The following STXBP5 variants were observed in gnomAD, a reference collection of about 807,000 sequenced individuals.
STXBP5 encodes syntaxin-binding protein 5.
A neutral mutation model predicts 152.4 loss-of-function variants in STXBP5; 50 were observed. The observed-to-expected ratio is 0.33, with a 90% CI of 0.26 to 0.42. STXBP5 has a LOEUF of 0.42. Ranked by LOEUF, STXBP5 falls within the 10% of genes least tolerant of loss-of-function variation. The probability of loss-of-function intolerance (pLI) is 1.00; values close to 1 mark genes in which losing one functional copy is unlikely to be tolerated. For synonymous variants in STXBP5, 492 were observed against 494.7 expected, an observed-to-expected ratio of 0.99 and a Z score of 0.07; for missense variants, 1,167 against 1,388.6, an observed-to-expected ratio of 0.84 and a Z score of 2.54.
intron 2 of STXBP5, among the ~76,000 whole-genome samples, chr6:147,224,466 A>G (rs1320182663): frequency 1.3e-5 from 2 of 152,314 alleles, no homozygotes; most frequent in South Asian, 4.1e-4. Flanking sequence ...AAACTAAACT[A>G]AATTAAAATA....
At chr6:147,373,902 A>G (rs1785684666) in intron 26 of STXBP5, 60 bp downstream of exon 26, 1 of 1,306,312 alleles carries the variant, frequency 7.7e-7, no homozygotes, top group Non-Finnish European at 1.1e-6. Context: ...GCCATACAAA[A>G]ATTTTTTTAT....
chr6:147,320,764 A>G (rs912534001), intron 16 of STXBP5, among the ~76,000 whole-genome samples: 1 of 152,200 alleles, frequency 6.6e-6, no homozygotes, highest in African/African-American at 2.4e-5. Context: ...AAAACTAGAA[A>G]TATAAACAAA....
At chr6:147,364,645 T>C (rs1234391893) in intron 25 of STXBP5, among the ~76,000 whole-genome samples, 1 of 152,232 alleles carries the variant, frequency 6.6e-6, no homozygotes, top group Non-Finnish European at 1.5e-5. Context: ...TGAGAGACTA[T>C]ATACAAATTC....
intron 2 of STXBP5, among the ~76,000 whole-genome samples, chr6:147,233,700 G>A (rs1205800477): frequency 1.3e-5 from 2 of 151,444 alleles, no homozygotes; most frequent in Admixed American, 6.6e-5. Context: ...AAAATAAATG[G>A]GTGAACGGAG....
intron 8 of STXBP5, among the ~76,000 whole-genome samples, chr6:147,284,758 G>T (rs1490022286): frequency 6.6e-6 from 1 of 152,196 alleles, no homozygotes; most frequent in Non-Finnish European, 1.5e-5. Context: ...AGTTTAAAAC[G>T]CCTTTGGGCA....
intron 21 of STXBP5, among the ~76,000 whole-genome samples, chr6:147,347,880 G>T (rs1306074150): frequency 6.6e-6 from 1 of 152,110 alleles, no homozygotes; most frequent in African/African-American, 2.4e-5. Flanking sequence ...TTTATTAGTG[G>T]CTATCTCTAT....
At position 147,380,173 on chromosome 6, in the gene STXBP5, TACAC is replaced by T. The variant is rs58343558; in HGVS notation, c.3194-2571_3194-2568del. 2.8e-3 allele frequency among the ~76,000 whole-genome samples: 395 copies of T among 143,120 alleles called. 1 individual carries two copies. The highest frequency in any genetic ancestry group is 3.5e-3 in the Middle Eastern group (1 of 282). 93.9% of individuals were successfully genotyped at this position (143,120 alleles called of 152,430 possible). The stretch of plus-strand genomic sequence containing the variant: ...ATACAAAGAATTCAAAATAGCCACG[TACAC>T]ACACACACACACACACACACACACA... On this transcript the variant is annotated intron_variant, in intron 26 of 27. Coordinates refer to ENST00000321680, the MANE Select transcript of STXBP5 (RefSeq NM_001127715.4).
rs373845542 is a variant in STXBP5 at position 147,303,520 on chromosome 6, A to G, written c.918-6564A>G. Reference sequence around the variant, plus strand: ...ATTAGCAGCAGGAGAACTAACTAATACAGTAAATTGGCACCAGGAGTGGGG... The same window carrying G: ...ATTAGCAGCAGGAGAACTAACTAATGCAGTAAATTGGCACCAGGAGTGGGG... On this transcript the variant is annotated intron_variant, in intron 9 of 27. Coordinates refer to ENST00000321680, the MANE Select transcript of STXBP5 (RefSeq NM_001127715.4). Among the ~76,000 whole-genome samples, 12 of 152,322 alleles carry G rather than the reference A, an allele frequency of 7.9e-5. No homozygotes were observed. The East Asian group carries it at 2.1e-3, about 27-fold the overall frequency.
Position 147,310,270 on chromosome 6 carries a change from A to G in STXBP5, c.1072+32A>G, listed in dbSNP as rs764738306. 3.5e-6 allele frequency: 5 copies of G among 1,417,294 alleles called. No homozygotes were observed. The South Asian group carries it at 6.8e-5, about 19-fold the overall frequency. The allele number at this position is 1,417,294 out of a possible 1,614,324, so 87.8% of individuals were successfully genotyped here. ...TTTGCAACTTTAAAGCTCATTCTCT[A>G]TAGAGAGCTGATATTAAAAAAAAAA... On this transcript the variant is annotated intron_variant, in intron 10 of 27. Coordinates refer to ENST00000321680, the MANE Select transcript of STXBP5 (RefSeq NM_001127715.4).
intron 2 of STXBP5, among the ~76,000 whole-genome samples, chr6:147,222,495 C>G (rs1348862815): frequency 6.6e-6 from 1 of 152,090 alleles, no homozygotes; most frequent in African/African-American, 2.4e-5. Flanking sequence ...CACACTTCCT[C>G]CCACTCCCTT....
intron 21 of STXBP5, among the ~76,000 whole-genome samples, chr6:147,344,603 TG>T (rs1784237170): frequency 6.6e-6 from 1 of 152,200 alleles, no homozygotes. Flanking sequence ...TGGGTTTCTG[TG>T]CAGAGTACAA....
At chr6:147,246,156 G>A (rs1429081089) in intron 4 of STXBP5, among the ~76,000 whole-genome samples, 1 of 152,128 alleles carries the variant, frequency 6.6e-6, no homozygotes, top group Non-Finnish European at 1.5e-5. Context: ...CAGATAAGTT[G>A]CAGTATCAGA....
intron 14 of STXBP5, among the ~76,000 whole-genome samples, 175 bp from the exon 15 acceptor site, chr6:147,315,340 A>G (rs1308630221): frequency 6.6e-6 from 1 of 152,182 alleles, no homozygotes; most frequent in Non-Finnish European, 1.5e-5. Flanking sequence ...TGTTTGGTCA[A>G]TGAGAACAAA....
At chr6:147,267,556 C>A (rs1344503710) in intron 7 of STXBP5, among the ~76,000 whole-genome samples, 1 of 152,120 alleles carries the variant, frequency 6.6e-6, no homozygotes, top group East Asian at 1.9e-4. Flanking sequence ...TCTTTTCTCT[C>A]CTTTTGCTCC....
intron 21 of STXBP5, among the ~76,000 whole-genome samples, chr6:147,352,389 A>G (rs376352113): frequency 6.6e-6 from 1 of 152,340 alleles, no homozygotes; most frequent in African/African-American, 2.4e-5. Context: ...TAATCCCAGC[A>G]CTTCGGGAGG....
chr6:147,379,842 A>G (rs1785990837), intron 26 of STXBP5, among the ~76,000 whole-genome samples: 1 of 152,150 alleles, frequency 6.6e-6, no homozygotes, highest in Non-Finnish European at 1.5e-5. Flanking sequence ...TTCTATACAC[A>G]GGCAATGAAT....
intron 5 of STXBP5, 85 bp downstream of exon 5, chr6:147,260,834 G>C: frequency 6.9e-7 from 1 of 1,452,122 alleles, no homozygotes; most frequent in Non-Finnish European, 9.3e-7. Flanking sequence ...CAGTAAATCT[G>C]TATGGAATTA....
chr6:147,267,663 G>A (rs1224800323), intron 7 of STXBP5, among the ~76,000 whole-genome samples: 6 of 151,848 alleles, frequency 4.0e-5, no homozygotes, highest in Non-Finnish European at 8.8e-5. Flanking sequence ...CATCCCCATT[G>A]TCTTTAACAT....
rs542926472 is a variant in STXBP5, at chr6:147,265,372, A to G, written c.631-1712A>G. Among the ~76,000 whole-genome samples, 9 of 152,214 alleles carry G rather than the reference A, an allele frequency of 5.9e-5. No homozygotes were observed. In the East Asian group the frequency reaches 1.7e-3, roughly 29 times the overall value. On this transcript the variant is annotated intron_variant, in intron 6 of 27. Coordinates refer to ENST00000321680, the MANE Select transcript of STXBP5 (RefSeq NM_001127715.4). Reference sequence around the variant, plus strand: ...TTGTTTATATCCCCAGATTACCCAAACAGATATAGACTAATCATTTTTCTA... The same window carrying G: ...TTGTTTATATCCCCAGATTACCCAAGCAGATATAGACTAATCATTTTTCTA...
Sources: allele counts gnomAD v4.1 joint callset (sites outside exome capture counted in the v4.1 genomes callset), GRCh38; gene constraint gnomAD v4.1.1; transcripts MANE v1.5; gene names NCBI Gene and HGNC (gene_info 2026-07-23, HGNC 2026-07-21).